The following NPAS3 variants were observed in gnomAD, a reference collection of about 807,000 sequenced individuals.
NPAS3 encodes neuronal PAS domain protein 3.
A neutral mutation model predicts 73.1 loss-of-function variants in NPAS3; 14 were observed. The ratio of observed to expected loss-of-function variants is 0.19; its 90% confidence interval spans 0.13 to 0.30. The LOEUF (loss-of-function observed/expected upper bound fraction) is 0.30. NPAS3 is among the 10% of genes least tolerant of loss of function. The pLI, the probability that NPAS3 is intolerant of heterozygous loss-of-function variation, is 1.00. For synonymous variants in NPAS3, 620 were observed against 541.5 expected (o/e 1.14, Z -2.01); for missense variants, 1,096 against 1,250.0 (o/e 0.88, Z 1.86).
At chr14:33,333,699 A>G (rs181473531) in intron 3 of NPAS3, among the ~76,000 whole-genome samples, 2 of 152,294 alleles carry the variant, frequency 1.3e-5, no homozygotes, top group African/African-American at 4.8e-5. Context: ...CAAACAGTTA[A>G]GAAGTTGATT....
intron 7 of NPAS3, among the ~76,000 whole-genome samples, chr14:33,741,999 T>A (rs1169735292): frequency 6.6e-6 from 1 of 152,154 alleles, no homozygotes; most frequent in Non-Finnish European, 1.5e-5. Flanking sequence ...TTCCTATATA[T>A]AATGTCTTTT....
At chr14:32,978,702 A>G (rs1003199381) in intron 1 of NPAS3, among the ~76,000 whole-genome samples, 1 of 152,280 alleles carries the variant, frequency 6.6e-6, no homozygotes, top group African/African-American at 2.4e-5. Context: ...CAAGATTATT[A>G]GTATTTCTGC....
chr14:33,644,354 A>T lies in NPAS3; in HGVS notation c.559-31857A>T, dbSNP rs552444517. Among the ~76,000 whole-genome samples, 6 of 152,326 alleles carry T rather than the reference A, an allele frequency of 3.9e-5. No individual in the cohort carries two copies. The South Asian group carries it at 1.2e-3, about 32-fold the overall frequency. On this transcript the variant is annotated intron_variant, in intron 5 of 11. Transcript: ENST00000356141. ...ATATATTTATATTTTTGGCAGGGGC[A>T]CTACACACATTTTGAACCCAAACTT... is the stretch of plus-strand genomic sequence containing the variant.
intron 2 of NPAS3, among the ~76,000 whole-genome samples, chr14:33,084,470 G>T (rs866301174): frequency 6.6e-6 from 1 of 152,160 alleles, no homozygotes; most frequent in Non-Finnish European, 1.5e-5. Flanking sequence ...CTCAGTTCAG[G>T]AATGGGTTAT....
At chr14:33,717,468 C>A (rs1344986665) in intron 6 of NPAS3, among the ~76,000 whole-genome samples, 1 of 151,958 alleles carries the variant, frequency 6.6e-6, no homozygotes, top group Non-Finnish European at 1.5e-5. Context: ...CAAGCAACAA[C>A]CCCGTAAACA....
chr14:32,954,189 A>C (rs2036588972), intron 1 of NPAS3, among the ~76,000 whole-genome samples: 1 of 152,156 alleles, frequency 6.6e-6, no homozygotes, highest in Admixed American at 6.5e-5. Context: ...CATGTGATGG[A>C]GTACACCAGG....
At chr14:33,687,606 T>C (rs990564221) in intron 6 of NPAS3, among the ~76,000 whole-genome samples, 2 of 152,170 alleles carry the variant, frequency 1.3e-5, no homozygotes, top group Admixed American at 6.5e-5. Flanking sequence ...AGAAACTTAA[T>C]TGGTAACTTA....
chr14:33,092,702 T>A (rs895750575), intron 2 of NPAS3, among the ~76,000 whole-genome samples: 1 of 152,306 alleles, frequency 6.6e-6, no homozygotes, highest in Non-Finnish European at 1.5e-5. Context: ...GGCATCACAC[T>A]ACCTGACTTC....
At position 33,800,961 on chromosome 14, in the gene NPAS3, T is replaced by C; in HGVS notation, c.2654T>C (p.Phe885Ser). Residue 885 changes from phenylalanine to serine, a missense_variant, in exon 12 of 12, where the codon TTC becomes TCC. By Grantham distance (155) the Phe-to-Ser change is radical. This residue lies in a region of NPAS3 where 698 missense variants were observed against 676.7 expected (regional missense o/e 1.03). Transcript: ENST00000356141. This position sits in a 1 kb window ranked among gnomAD's most constrained non-coding sequence, Gnocchi z 6.5. ...CACCGGCTCAACATGTCAGGACCGT[T>C]CGGCGGCGCAGTGAGCGCAGCTAGC... The C allele has an allele frequency of 6.2e-7, 1 of 1,600,228 alleles. No individual in the cohort carries two copies. Among genetic ancestry groups the C allele is most frequent in the Non-Finnish European group, 8.5e-7 (1 of 1,174,190 alleles).
chr14:33,054,761 G>A (rs1042853895), intron 1 of NPAS3, among the ~76,000 whole-genome samples: 38 of 151,670 alleles, frequency 2.5e-4, no homozygotes, highest in Admixed American at 7.9e-4. Flanking sequence ...TACAGGCGCC[G>A]ACCACCACGC....
At chr14:33,363,355 G>A (rs2045692923) in intron 3 of NPAS3, among the ~76,000 whole-genome samples, 2 of 152,176 alleles carry the variant, frequency 1.3e-5, no homozygotes, top group African/African-American at 2.4e-5. Context: ...TTGTGGAGGG[G>A]CAAAACTAAT....
At chr14:33,343,299 T>A (rs2044573192) in intron 3 of NPAS3, among the ~76,000 whole-genome samples, 1 of 152,190 alleles carries the variant, frequency 6.6e-6, no homozygotes, top group Admixed American at 6.5e-5. Flanking sequence ...TGCTTTCTTT[T>A]TTTCTCATCG....
At chr14:33,614,089 A>G (rs1436298072) in intron 5 of NPAS3, among the ~76,000 whole-genome samples, 1 of 152,224 alleles carries the variant, frequency 6.6e-6, no homozygotes, top group Non-Finnish European at 1.5e-5. Context: ...TGGTAAAACC[A>G]AAGTTTATAA....
intron 2 of NPAS3, among the ~76,000 whole-genome samples, chr14:33,149,174 C>T (rs2044356551): frequency 6.6e-6 from 1 of 152,094 alleles, no homozygotes; most frequent in Non-Finnish European, 1.5e-5. Context: ...TATTACTTTA[C>T]TTTTTATCCA....
chr14:33,303,565 T>C (rs2042638197), intron 3 of NPAS3, among the ~76,000 whole-genome samples: 1 of 152,148 alleles, frequency 6.6e-6, no homozygotes, highest in Admixed American at 6.5e-5. Context: ...TTCCAAAACT[T>C]TTGGGGAACA....
intron 3 of NPAS3, among the ~76,000 whole-genome samples, chr14:33,264,443 C>G: frequency 6.6e-6 from 1 of 152,116 alleles, no homozygotes; most frequent in African/African-American, 2.4e-5. Flanking sequence ...GAAAAAGTAA[C>G]TGATTTGAGA....
At chr14:33,682,761 G>T (rs1349167792) in intron 6 of NPAS3, among the ~76,000 whole-genome samples, 1 of 152,222 alleles carries the variant, frequency 6.6e-6, no homozygotes, top group Non-Finnish European at 1.5e-5. Context: ...ACACTTTGGT[G>T]TGCTTGTGTG....
intron 1 of NPAS3, among the ~76,000 whole-genome samples, chr14:32,950,171 C>T (rs2036425626): frequency 6.6e-6 from 1 of 152,006 alleles, no homozygotes; most frequent in Non-Finnish European, 1.5e-5. Flanking sequence ...TGACAATCAT[C>T]TCAACACAGT....
At chr14:33,088,375 A>G (rs907683863) in intron 2 of NPAS3, among the ~76,000 whole-genome samples, 1 of 152,220 alleles carries the variant, frequency 6.6e-6, no homozygotes, top group African/African-American at 2.4e-5. Flanking sequence ...AGCAAACAGC[A>G]CACCAGGAGA....
Sources: gnomAD v4.1 joint callset for allele counts (sites outside exome capture counted in the v4.1 genomes callset) on GRCh38, gnomAD v4.1.1 for gene constraint, gnomAD v4.1.1 regional missense constraint, Gnocchi (gnomAD v3.1) non-coding constraint, MANE v1.5 for transcripts, NCBI Gene and HGNC (gene_info 2026-07-23, HGNC 2026-07-21) for gene names.